The following MYLK variants were observed in gnomAD, a reference collection of about 807,000 sequenced individuals.
MYLK encodes the protein myosin light chain kinase, smooth muscle.
MYLK carries 106 observed loss-of-function variants against 203.4 expected under a neutral mutation model. The observed-to-expected ratio is 0.52, with a 90% CI of 0.45 to 0.61. The LOEUF (loss-of-function observed/expected upper bound fraction) is 0.61. MYLK is among the 20% of genes least tolerant of loss of function. MYLK has a pLI of 0.00. For synonymous variants in MYLK, 867 were observed against 959.5 expected, an observed-to-expected ratio of 0.90 and a Z score of 1.78; for missense variants, 2,072 against 2,442.3, an observed-to-expected ratio of 0.85 and a Z score of 3.20.
chr3:123,785,181 A>C (rs1446105782), intron 4 of MYLK, among the ~76,000 whole-genome samples: 2 of 152,178 alleles, frequency 1.3e-5, no homozygotes, highest in Non-Finnish European at 2.9e-5. Flanking sequence ...CTCATCCACT[A>C]ATGTCCCTCT....
intron 2 of MYLK, among the ~76,000 whole-genome samples, chr3:123,848,254 G>GA (rs11409032): frequency 0.83 from 120,232 of 144,938 alleles, 49,755 homozygotes; most frequent in East Asian, 0.93. Context: ...GTCTTATTTT[G>GA]AAAAAAAAAA....
chr3:123,626,734 G>A, intron 31 of MYLK, 84 bp downstream of exon 31: 1 of 1,598,254 alleles, frequency 6.3e-7, no homozygotes, highest in African/African-American at 1.3e-5. Flanking sequence ...TTGGTGTGAG[G>A]CCAGGGCAAG....
At chr3:123,876,907 AAAATT>A (rs1442291855) in intron 1 of MYLK, among the ~76,000 whole-genome samples, 1 of 152,234 alleles carries the variant, frequency 6.6e-6, no homozygotes, top group Non-Finnish European at 1.5e-5. Flanking sequence ...TAGCATGAGA[AAAATT>A]AAACAAATGA....
intron 19 of MYLK, chr3:123,692,104 G>A (rs904961673): frequency 6.0e-6 from 1 of 166,410 alleles, no homozygotes; most frequent in Admixed American, 5.6e-5. Flanking sequence ...ACAAAGCCCA[G>A]TTCCTCGCAG....
At chr3:123,819,036 T>C (rs964591315) in intron 3 of MYLK, among the ~76,000 whole-genome samples, 2 of 152,330 alleles carry the variant, frequency 1.3e-5, no homozygotes, top group South Asian at 2.1e-4. Context: ...TTTGAAACTT[T>C]GATGAGGCAA....
chr3:123,741,204 G>T (rs929306760), intron 5 of MYLK, among the ~76,000 whole-genome samples: 1 of 152,148 alleles, frequency 6.6e-6, no homozygotes, highest in African/African-American at 2.4e-5. Flanking sequence ...ACATTTATAT[G>T]ACTGTGTAAG....
At chr3:123,636,780 T>A (rs547549706) in intron 29 of MYLK, among the ~76,000 whole-genome samples, 1 of 151,812 alleles carries the variant, frequency 6.6e-6, no homozygotes, top group South Asian at 2.1e-4. Flanking sequence ...TGGCCCGGGG[T>A]TTTTCTGCTG....
At chr3:123,799,635 C>T (rs545307718) in intron 3 of MYLK, among the ~76,000 whole-genome samples, 1 of 152,268 alleles carries the variant, frequency 6.6e-6, no homozygotes, top group East Asian at 1.9e-4. Context: ...GGCAGCAAAA[C>T]CACCCACGTG....
At chr3:123,697,245 C>A (rs2060966954) in intron 18 of MYLK, among the ~76,000 whole-genome samples, 1 of 152,164 alleles carries the variant, frequency 6.6e-6, no homozygotes, top group African/African-American at 2.4e-5. Flanking sequence ...AAACACTGGG[C>A]TCTTGAAGTC....
intron 2 of MYLK, among the ~76,000 whole-genome samples, chr3:123,848,768 T>G (rs2030376219): frequency 6.6e-6 from 1 of 152,160 alleles, no homozygotes; most frequent in South Asian, 2.1e-4. Flanking sequence ...GTATGAAAAT[T>G]ATGTTTAGAT....
chr3:123,814,516 A>G (rs1483562628), intron 3 of MYLK, among the ~76,000 whole-genome samples: 2 of 152,216 alleles, frequency 1.3e-5, no homozygotes, highest in Non-Finnish European at 2.9e-5. Flanking sequence ...TTTTCCCCCA[A>G]TATAAATACT....
At position 123,709,815 on chromosome 3, in the gene MYLK, C is replaced by T. The variant is rs1248832032; in HGVS notation, c.1883G>A (p.Gly628Asp). The change falls in exon 14 of 34, where the codon GGC becomes GAC. Residue 628 changes from glycine (G) to aspartate (D), a missense_variant. Around this residue, in one of 3 missense-constraint regions of MYLK, gnomAD observed 865 missense variants for 1,016.0 expected, o/e 0.85. Coordinates refer to ENST00000360304, the MANE Select transcript of MYLK (RefSeq NM_053025.4). ...SKPTAPIFLQ[G>D]LSDLKVMDGS... ...ATCCATGACTTTGAGATCAGAGAGG[C>T]CCTGCAGGAAGATGGGTGCAGTGGG... The T allele has an allele frequency of 6.2e-6, 10 of 1,614,180 alleles. No homozygotes were observed. Among genetic ancestry groups the T allele is most frequent in the Non-Finnish European group, 8.5e-6 (10 of 1,180,030 alleles).
At chr3:123,736,951 G>T (rs1399953091) in intron 8 of MYLK, among the ~76,000 whole-genome samples, 1 of 152,122 alleles carries the variant, frequency 6.6e-6, no homozygotes, top group African/African-American at 2.4e-5. Flanking sequence ...TGCCCCTTGT[G>T]GCCGGGCGTG....
chr3:123,614,389 A>T (rs761501066), intron 33 of MYLK, 40 bp from the exon 34 acceptor site: 3 of 1,613,348 alleles, frequency 1.9e-6, no homozygotes, highest in Non-Finnish European at 2.5e-6. Flanking sequence ...AGGAACTGTT[A>T]TTCAAAATTT....
At chr3:123,883,915 C>G (rs989173813) in intron 1 of MYLK, among the ~76,000 whole-genome samples, 1 of 152,128 alleles carries the variant, frequency 6.6e-6, no homozygotes, top group Non-Finnish European at 1.5e-5. Flanking sequence ...GGGTCCGCTT[C>G]TCCTCCGCCC....
At chr3:123,627,037 G>A (rs1215956955) in intron 30 of MYLK, 96 bp from the exon 31 acceptor site, 1 of 1,439,738 alleles carries the variant, frequency 6.9e-7, no homozygotes. Flanking sequence ...CCCTGGTCAT[G>A]AGGGCAGAGC....
At chr3:123,675,996 T>A (rs1389243649) in intron 20 of MYLK, among the ~76,000 whole-genome samples, 2 of 152,244 alleles carry the variant, frequency 1.3e-5, no homozygotes, top group Admixed American at 1.3e-4. Flanking sequence ...ATAAGGAGAT[T>A]GCAAAGAAAC....
chr3:123,864,176 G>T (rs147746559), intron 2 of MYLK, among the ~76,000 whole-genome samples: 340 of 152,298 alleles, frequency 2.2e-3, no homozygotes, highest in African/African-American at 7.7e-3. Flanking sequence ...TAGAATAATG[G>T]TTGCATCTGG....
chr3:123,742,578 G>A (rs1304072770), intron 5 of MYLK, among the ~76,000 whole-genome samples: 2 of 152,116 alleles, frequency 1.3e-5, no homozygotes, highest in African/African-American at 2.4e-5. Context: ...AATAGAGGAT[G>A]GATAGGGCCT....
Sources: allele counts gnomAD v4.1 joint callset (sites outside exome capture counted in the v4.1 genomes callset), GRCh38; gene constraint gnomAD v4.1.1; regional missense constraint gnomAD v4.1.1; transcripts MANE v1.5; gene names NCBI Gene and HGNC (gene_info 2026-07-23, HGNC 2026-07-21).